The following PPP6R3 variants were observed in gnomAD, a reference collection of about 807,000 sequenced individuals.
PPP6R3 encodes protein phosphatase 6 regulatory subunit 3, also known as serine/threonine-protein phosphatase 6 regulatory subunit 3.
PPP6R3 carries 38 observed loss-of-function variants against 110.7 expected under a neutral mutation model. The ratio of observed to expected loss-of-function variants is 0.34; its 90% CI spans 0.26 to 0.45. PPP6R3 has a LOEUF of 0.45. Ranked by LOEUF, PPP6R3 falls within the 20% of genes least tolerant of loss-of-function variation. The pLI, the probability that PPP6R3 is intolerant of heterozygous loss-of-function variation, is 1.00. For missense variants in PPP6R3, 870 were observed against 1,062.4 expected (o/e 0.82, Z 2.52); for synonymous variants, 369 against 373.5 (o/e 0.99, Z 0.14).
chr11:68,491,056 C>T (rs890217247), intron 1 of PPP6R3, among the ~76,000 whole-genome samples: 1 of 152,012 alleles, frequency 6.6e-6, no homozygotes, highest in African/African-American at 2.4e-5. Flanking sequence ...CGTGGTGGCA[C>T]ACACCTGTAG....
At chr11:68,561,341 C>A (rs1369698508) in intron 8 of PPP6R3, among the ~76,000 whole-genome samples, 2 of 152,116 alleles carry the variant, frequency 1.3e-5, no homozygotes, top group African/African-American at 4.8e-5. Flanking sequence ...CTCTAATGAT[C>A]CTTCCGCCTC....
At chr11:68,478,803 A>G (rs562623776) in intron 1 of PPP6R3, among the ~76,000 whole-genome samples, 1 of 151,808 alleles carries the variant, frequency 6.6e-6, no homozygotes, top group East Asian at 1.9e-4. Flanking sequence ...GACTACAGGC[A>G]TGCGCCACCA....
chr11:68,477,741 A>AATATATATATATATATATATATAG (rs2098844820), intron 1 of PPP6R3, among the ~76,000 whole-genome samples: 1 of 57,894 alleles, frequency 1.7e-5, no homozygotes, highest in Non-Finnish European at 3.3e-5. Flanking sequence ...AAAAAAAAAA[A>AATATATATATATATATATATATAG]ATATATATAT....
At chr11:68,569,629 T>A in intron 10 of PPP6R3, 119 bp from the exon 11 acceptor site, 1 of 881,238 alleles carries the variant, frequency 1.1e-6, no homozygotes, top group Non-Finnish European at 1.7e-6. Context: ...TTTTAATTGG[T>A]CCTTTTGGAC....
intron 2 of PPP6R3, among the ~76,000 whole-genome samples, chr11:68,536,046 C>T (rs909144387): frequency 6.6e-6 from 1 of 152,096 alleles, no homozygotes; most frequent in African/African-American, 2.4e-5. Flanking sequence ...ATTGCCTATC[C>T]TGTGAAGTGG....
intron 2 of PPP6R3, among the ~76,000 whole-genome samples, chr11:68,523,359 G>A (rs1168362800): frequency 1.3e-5 from 2 of 152,048 alleles, no homozygotes; most frequent in Admixed American, 6.6e-5. Context: ...TTGATGTCTC[G>A]TATTTCTGGT....
intron 1 of PPP6R3, among the ~76,000 whole-genome samples, chr11:68,510,823 G>T (rs1203114607): frequency 2.0e-5 from 3 of 152,046 alleles, no homozygotes; most frequent in Admixed American, 6.5e-5. Flanking sequence ...ACCTCCATAT[G>T]TCTGAAGACT....
intron 1 of PPP6R3, chr11:68,488,597 A>C (rs2098963541): frequency 6.6e-6 from 1 of 152,544 alleles, no homozygotes; most frequent in Admixed American, 6.6e-5. Flanking sequence ...AGGTGCTCAC[A>C]ATTTTCTCAG....
In PPP6R3 at chr11:68,601,918, C is replaced by G. The variant is rs780907988; in HGVS notation, c.2248C>G (p.Pro750Ala). 6.2e-7 allele frequency: 1 copy of G among 1,613,674 alleles called. No individual in the cohort carries two copies. The highest frequency in any genetic ancestry group is 8.5e-7 in the Non-Finnish European group (1 of 1,179,840). Residue 750 changes from proline to alanine, a missense_variant, in exon 21 of 24, where the codon CCC becomes GCC. Coordinates refer to ENST00000393800, the MANE Select transcript of PPP6R3 (RefSeq NM_001164161.2). ...AGTGGAAATGGAAACCAGCACTGAA[C>G]CCATGGACCCTCTGACTCCCAGTGC... Reference protein sequence around the residue: ...SPVEMETSTEPMDPLTPSAAA... With the variant: ...SPVEMETSTEAMDPLTPSAAA...
intron 2 of PPP6R3, among the ~76,000 whole-genome samples, chr11:68,534,307 G>A (rs1034281497): frequency 8.5e-5 from 13 of 152,198 alleles, no homozygotes; most frequent in African/African-American, 2.9e-4. Context: ...AAAAGACCAA[G>A]TAGTAAATAT....
intron 1 of PPP6R3, among the ~76,000 whole-genome samples, chr11:68,462,879 C>T (rs1343251068): frequency 6.6e-6 from 1 of 152,142 alleles, no homozygotes; most frequent in African/African-American, 2.4e-5. Flanking sequence ...AGATGAGTAT[C>T]TTGCTGGTGG....
At chr11:68,587,676 G>A in intron 15 of PPP6R3, 1 of 549,792 alleles carries the variant, frequency 1.8e-6, no homozygotes, top group Admixed American at 2.9e-5. Context: ...TCACAATAGA[G>A]GACAGAGTGG....
At chr11:68,520,005 T>G (rs1055012046) in intron 2 of PPP6R3, among the ~76,000 whole-genome samples, 2 of 152,218 alleles carry the variant, frequency 1.3e-5, no homozygotes, top group Non-Finnish European at 2.9e-5. Flanking sequence ...GTCTGTGTGT[T>G]TGTTTTTGTT....
At chr11:68,497,579 T>A (rs1025056204) in intron 1 of PPP6R3, among the ~76,000 whole-genome samples, 3 of 152,062 alleles carry the variant, frequency 2.0e-5, no homozygotes, top group African/African-American at 7.3e-5. Flanking sequence ...GGTCTCAAAC[T>A]CCTGGGCTCA....
chr11:68,477,118 A>C (rs1437970856), intron 1 of PPP6R3, among the ~76,000 whole-genome samples: 2 of 151,850 alleles, frequency 1.3e-5, no homozygotes, highest in Admixed American at 1.3e-4. Context: ...GTTTGTGCAG[A>C]TTTTCATCAC....
At chr11:68,608,171 A>T (rs886895867) in intron 22 of PPP6R3, among the ~76,000 whole-genome samples, 2 of 152,220 alleles carry the variant, frequency 1.3e-5, no homozygotes, top group Non-Finnish European at 2.9e-5. Context: ...TGAAAAAAAC[A>T]TCTGTAGTAG....
At position 68,614,361 on chromosome 11, in the gene PPP6R3, C is replaced by T. The variant is rs765401727; in HGVS notation, c.*1244C>T. 2.9e-5 allele frequency: 35 copies of T among 1,197,246 alleles called. No individual in the cohort carries two copies. Among genetic ancestry groups the T allele is most frequent in the Non-Finnish European group, 3.0e-5 (29 of 960,976 alleles). 74.2% of individuals were successfully genotyped at this position (1,197,246 alleles called of 1,614,324 possible). On this transcript the variant is annotated 3_prime_UTR_variant, in exon 24 of 24. Transcript: ENST00000393800. ...AGCAATATATTGTATATTGCCATAT[C>T]GTCTGGTGAAAGGGTTAAATTACTT...
chr11:68,519,437 T>G, intron 1 of PPP6R3, 64 bp from the exon 2 acceptor site: 1 of 392,812 alleles, frequency 2.5e-6, no homozygotes, highest in Non-Finnish European at 4.5e-6. Flanking sequence ...TATGCTTTAA[T>G]GGCAGCTATC....
At position 68,614,780 on chromosome 11, in the gene PPP6R3, C is replaced by T. The variant is rs1944909241; in HGVS notation, c.*1663C>T. 2.6e-6 allele frequency: 4 copies of T among 1,536,496 alleles called. No individual in the cohort carries two copies. The highest frequency in any genetic ancestry group is 2.0e-5 in the Admixed American group (1 of 50,784). On this transcript the variant is annotated 3_prime_UTR_variant, in exon 24 of 24. Transcript: ENST00000393800. ...CTCTCTGAAGAGACTGTCCTTGGGC[C>T]TCCTCTGGAAGCAGCACCCCCAGAG...
Sources: gnomAD v4.1 joint callset for allele counts (sites outside exome capture counted in the v4.1 genomes callset) on GRCh38, gnomAD v4.1.1 for gene constraint, MANE v1.5 for transcripts, NCBI Gene and HGNC (gene_info 2026-07-23, HGNC 2026-07-21) for gene names.